FAT4: variants seen among roughly 807,000 people sequenced by gnomAD.
The protein encoded by FAT4 is protocadherin Fat 4.
FAT4 carries 84 observed loss-of-function variants against 303.9 expected under a neutral mutation model. That is an observed-to-expected ratio of 0.28 (90% CI 0.23 to 0.33). The LOEUF is 0.33. Ranked by LOEUF, FAT4 falls within the 10% of genes least tolerant of loss-of-function variation. FAT4 has a pLI of 1.00. For missense variants in FAT4, 6,005 were observed against 6,146.8 expected (o/e 0.98, Z 0.77); for synonymous variants, 2,307 against 2,298.8 (o/e 1.00, Z -0.10).
chr4:125,479,838 G>C lies in FAT4; in HGVS notation c.12577G>C (p.Gly4193Arg), dbSNP rs775117601. 2 of 1,596,946 alleles carry C rather than the reference G, an allele frequency of 1.3e-6. No individual in the cohort carries two copies. The highest frequency in any genetic ancestry group is 2.3e-5 in the South Asian group (2 of 88,508). ...WSWQQCHCKE[G>R]LTGKYCEKSV... ...ATGGCAGCAGTGTCATTGCAAAGAG[G>C]GACTCACTGGGAAATACTGTGAAAA... The change falls in exon 15 of 18, where the codon GGA (glycine) becomes CGA (arginine). Residue 4193 changes from glycine (G) to arginine (R), a missense_variant. Transcript: ENST00000394329.
At chr4:125,472,957 T>A (rs1416678223) in intron 12 of FAT4, among the ~76,000 whole-genome samples, 4 of 152,130 alleles carry the variant, frequency 2.6e-5, no homozygotes, top group Non-Finnish European at 4.4e-5. Context: ...TCATTTTAGT[T>A]ATAGATGGTT....
At chr4:125,407,952 T>G (rs555517455) in intron 4 of FAT4, among the ~76,000 whole-genome samples, 16 of 152,282 alleles carry the variant, frequency 1.1e-4, no homozygotes, top group African/African-American at 3.1e-4. Flanking sequence ...CCTGAAGTTT[T>G]TTCTTCACTC....
Position 125,415,710 on chromosome 4 carries a change from A to G in FAT4, c.6747A>G (p.Leu2249=), listed in dbSNP as rs370316723. ...ATACCTCCACGGTCAGCATTGTTCT[A>G]CTGGATATTAATGACTTTGTTCCTG... ...RTDTSTVSIV[L]LDINDFVPVF... Residue 2249 remains leucine (L), a synonymous_variant, in exon 6 of 18, where the codon CTA becomes CTG. Coordinates refer to ENST00000394329, the MANE Select transcript of FAT4 (RefSeq NM_001291303.3). The G allele has an allele frequency of 6.2e-7, 1 of 1,613,888 alleles. No individual in the cohort carries two copies. Among genetic ancestry groups the G allele is most frequent in the African/African-American group, 1.3e-5 (1 of 74,926 alleles).
At chr4:125,373,062 A>C (rs865882993) in intron 2 of FAT4, among the ~76,000 whole-genome samples, 9 of 152,190 alleles carry the variant, frequency 5.9e-5, no homozygotes, top group African/African-American at 1.9e-4. Context: ...AAATTCAGAA[A>C]ATACACAAAA....
At position 125,411,345 on chromosome 4, in the gene FAT4, G is replaced by A. The variant is rs568534997; in HGVS notation, c.5920+2551G>A. On this transcript the variant is annotated intron_variant, in intron 5 of 17. Coordinates refer to ENST00000394329, the MANE Select transcript of FAT4 (RefSeq NM_001291303.3). ...TGCGGTATTACATTGAGGAAATATC[G>A]GAGCATCACGGAAATATTCTGGCTT... Among the ~76,000 whole-genome samples the A allele has an allele frequency of 3.9e-5, 6 of 151,990 alleles. No homozygotes were observed. In the South Asian group the frequency reaches 6.2e-4, roughly 16 times the overall value.
At chr4:125,369,773 C>T (rs185905008) in intron 2 of FAT4, among the ~76,000 whole-genome samples, 1 of 152,246 alleles carries the variant, frequency 6.6e-6, no homozygotes, top group East Asian at 1.9e-4. Flanking sequence ...ACTAACTTTC[C>T]ATTTCCTCCA....
chr4:125,337,253 A>G (rs1731610912), intron 2 of FAT4, among the ~76,000 whole-genome samples: 1 of 152,086 alleles, frequency 6.6e-6, no homozygotes, highest in Non-Finnish European at 1.5e-5. Flanking sequence ...TAGAAAATAT[A>G]AGCAAACAGT....
chr4:125,389,790 C>T (rs1006011670), intron 2 of FAT4, among the ~76,000 whole-genome samples: 38 of 152,124 alleles, frequency 2.5e-4, no homozygotes, highest in African/African-American at 8.5e-4. Flanking sequence ...GATTATACAT[C>T]GCAAACAAAT....
chr4:125,462,232 C>G lies in FAT4; in HGVS notation c.11801-1331C>G, dbSNP rs563106421. On this transcript the variant is annotated intron_variant, in intron 10 of 17. Transcript: ENST00000394329. ...CGTAATCAAGCCACAAAAACAGAAC[C>G]AATTTAAACAAAATTTTGACTGTGT... is the stretch of plus-strand genomic sequence containing the variant. Among the ~76,000 whole-genome samples, 24 of 151,812 alleles carry G rather than the reference C, an allele frequency of 1.6e-4. 1 individual carries two copies. The highest frequency in any genetic ancestry group is 3.2e-4 in the Non-Finnish European group (22 of 67,836).
In FAT4 at chr4:125,452,873, A is replaced by G. The variant is rs878890119; in HGVS notation, c.11800+63A>G. The G allele has an allele frequency of 1.3e-5, 19 of 1,495,338 alleles. No individual in the cohort carries two copies. In the South Asian group the frequency reaches 2.4e-4, roughly 19 times the overall value. 92.6% of individuals were successfully genotyped at this position (1,495,338 alleles called of 1,614,324 possible). A position where few individuals can be genotyped will look rare whatever the true frequency, so the allele number is the denominator to read the frequency against. ...GCCATGTCAAGTATATTGAAACGAA[A>G]TAATTTTATCATTTTCCAATGATTT... On this transcript the variant is annotated intron_variant, in intron 10 of 17. Coordinates refer to ENST00000394329, the MANE Select transcript of FAT4 (RefSeq NM_001291303.3).
intron 3 of FAT4, among the ~76,000 whole-genome samples, chr4:125,403,781 T>A (rs995302952): frequency 6.6e-6 from 1 of 151,526 alleles, no homozygotes; most frequent in Non-Finnish European, 1.5e-5. Context: ...TTAAAAAGAC[T>A]TTTTTTTCTT....
chr4:125,439,457 T>G (rs140298355), intron 8 of FAT4, among the ~76,000 whole-genome samples: 4,932 of 151,664 alleles, frequency 0.033, 112 homozygotes, highest in Middle Eastern at 0.071. Context: ...CTCAGCCTCC[T>G]GAGTAGCTGG....
intron 2 of FAT4, among the ~76,000 whole-genome samples, chr4:125,356,028 G>A (rs1207595889): frequency 6.6e-6 from 1 of 151,770 alleles, no homozygotes; most frequent in East Asian, 1.9e-4. Flanking sequence ...TTTCCTCAGT[G>A]GCCTAAACAG....
intron 16 of FAT4, among the ~76,000 whole-genome samples, chr4:125,482,669 T>C (rs9307565): frequency 0.15 from 22,790 of 152,162 alleles, 1,927 homozygotes; most frequent in Admixed American, 0.2. Context: ...CAATATTTAA[T>C]AACTACTCCA....
At chr4:125,446,870 A>C (rs1262595837) in intron 9 of FAT4, among the ~76,000 whole-genome samples, 2 of 151,948 alleles carry the variant, frequency 1.3e-5, no homozygotes, top group Non-Finnish European at 2.9e-5. Flanking sequence ...ACTTTGTGTA[A>C]GTTTGCTAAG....
chr4:125,350,996 T>G (rs1237302490), intron 2 of FAT4, among the ~76,000 whole-genome samples: 1 of 151,656 alleles, frequency 6.6e-6, no homozygotes, highest in Admixed American at 6.6e-5. Flanking sequence ...GGTATGGGTA[T>G]GATGACTGAG....
chr4:125,344,581 G>A (rs976463879), intron 2 of FAT4, among the ~76,000 whole-genome samples: 5 of 152,088 alleles, frequency 3.3e-5, no homozygotes, highest in Non-Finnish European at 5.9e-5. Flanking sequence ...GAGAGAAAAC[G>A]AGATATTTTC....
At chr4:125,385,314 C>A (rs1379900103) in intron 2 of FAT4, among the ~76,000 whole-genome samples, 1 of 152,024 alleles carries the variant, frequency 6.6e-6, no homozygotes, top group Non-Finnish European at 1.5e-5. Flanking sequence ...TGAGCCACTG[C>A]GCCCTGCCAA....
rs189737045 is a variant in FAT4, at chr4:125,491,929, C to T, written c.*161C>T. The T allele has an allele frequency of 3.1e-3, 1,999 of 646,512 alleles. 6 individuals are homozygous for T. Among genetic ancestry groups the T allele is most frequent in the Middle Eastern group, 0.011 (27 of 2,408 alleles). The allele number at this position is 646,512 out of a possible 1,614,324, so 40.0% of individuals were successfully genotyped here. ...ATAACCACAATGCTGCTGAAACAGA[C>T]TCACAACAACTCTTAATTTAAACAT... On this transcript the variant is annotated 3_prime_UTR_variant, in exon 18 of 18. Transcript: ENST00000394329.
Sources: gnomAD v4.1 joint callset for allele counts (sites outside exome capture counted in the v4.1 genomes callset) on GRCh38, gnomAD v4.1.1 for gene constraint, MANE v1.5 for transcripts, NCBI Gene and HGNC (gene_info 2026-07-23, HGNC 2026-07-21) for gene names.